The following LRP1B variants were observed in gnomAD, a reference collection of about 807,000 sequenced individuals.
LRP1B encodes the protein low-density lipoprotein receptor-related protein 1B.
LRP1B carries 217 observed loss-of-function variants against 556.6 expected under a neutral mutation model. The observed-to-expected ratio is 0.39, with a 90% CI of 0.35 to 0.44. The LOEUF is 0.44. LRP1B is among the 20% of genes least tolerant of loss of function. The pLI is 1.00. For synonymous variants in LRP1B, 2,047 were observed against 1,865.8 expected (o/e 1.10, Z -2.50); for missense variants, 5,053 against 5,620.8 (o/e 0.90, Z 3.23).
At chr2:141,615,785 T>G (rs1282827844) in intron 2 of LRP1B, among the ~76,000 whole-genome samples, 4 of 152,194 alleles carry the variant, frequency 2.6e-5, no homozygotes, top group African/African-American at 4.8e-5. Context: ...AGGCCACATA[T>G]GAAATTGGTT....
intron 1 of LRP1B, among the ~76,000 whole-genome samples, chr2:141,824,902 A>G (rs1016024778): frequency 2.0e-5 from 3 of 152,130 alleles, no homozygotes; most frequent in Non-Finnish European, 2.9e-5. Context: ...TGGTTGTATC[A>G]TGGGAATGGT....
At chr2:142,089,079 C>A (rs1706063753) in intron 1 of LRP1B, among the ~76,000 whole-genome samples, 1 of 151,670 alleles carries the variant, frequency 6.6e-6, no homozygotes, top group African/African-American at 2.4e-5. Context: ...GTTCCAGACA[C>A]CCTTCTAGGC....
chr2:140,419,878 C>T (rs1272773248), intron 66 of LRP1B, among the ~76,000 whole-genome samples: 1 of 151,950 alleles, frequency 6.6e-6, no homozygotes, highest in Non-Finnish European at 1.5e-5. Flanking sequence ...CATGGTGGCA[C>T]ATGACTGTAA....
chr2:141,318,292 C>G (rs1174173992), intron 3 of LRP1B, among the ~76,000 whole-genome samples: 3 of 151,882 alleles, frequency 2.0e-5, no homozygotes, highest in African/African-American at 4.8e-5. Flanking sequence ...CAAACATACA[C>G]AAGAAACAAG....
chr2:141,159,365 G>A (rs1459403422), intron 7 of LRP1B, among the ~76,000 whole-genome samples: 2 of 152,070 alleles, frequency 1.3e-5, no homozygotes, highest in African/African-American at 4.8e-5. Flanking sequence ...ATTTAAATCA[G>A]GAAAGTCATT....
intron 84 of LRP1B, among the ~76,000 whole-genome samples, chr2:140,284,497 G>T (rs1351041853): frequency 6.6e-6 from 1 of 151,522 alleles, no homozygotes; most frequent in African/African-American, 2.4e-5. Context: ...CTGGAGGGCA[G>T]GCAACATCTC....
chr2:141,335,699 G>A (rs1687823726), intron 3 of LRP1B, among the ~76,000 whole-genome samples: 1 of 152,102 alleles, frequency 6.6e-6, no homozygotes, highest in African/African-American at 2.4e-5. Context: ...GCACAGACGA[G>A]AGGTATTACA....
chr2:140,311,824 C>A (rs1227216453), intron 83 of LRP1B, among the ~76,000 whole-genome samples: 1 of 151,826 alleles, frequency 6.6e-6, no homozygotes, highest in Non-Finnish European at 1.5e-5. Context: ...CAAAGATGGG[C>A]AGTTTAAATG....
chr2:140,710,998 C>A (rs988816570), intron 37 of LRP1B, among the ~76,000 whole-genome samples: 3 of 151,892 alleles, frequency 2.0e-5, no homozygotes, highest in African/African-American at 7.3e-5. Flanking sequence ...GGAAAGGCTT[C>A]ATTGAAAGGA....
chr2:140,639,332 T>C (rs1428218914), intron 41 of LRP1B, among the ~76,000 whole-genome samples: 1 of 152,230 alleles, frequency 6.6e-6, no homozygotes, highest in Non-Finnish European at 1.5e-5. Context: ...TTGTTGAACA[T>C]TCTTGAGACA....
chr2:141,321,739 C>T (rs1274606810), intron 3 of LRP1B, among the ~76,000 whole-genome samples: 2 of 152,036 alleles, frequency 1.3e-5, no homozygotes, highest in African/African-American at 4.8e-5. Context: ...AACTTGTTTT[C>T]CACTGGTCTT....
intron 7 of LRP1B, among the ~76,000 whole-genome samples, chr2:141,180,886 A>G (rs1261508185): frequency 6.6e-6 from 1 of 151,972 alleles, no homozygotes; most frequent in Non-Finnish European, 1.5e-5. Context: ...CTAAGTGAAA[A>G]GAGACCCTTC....
intron 21 of LRP1B, among the ~76,000 whole-genome samples, chr2:140,917,324 T>A (rs1445980973): frequency 6.6e-6 from 1 of 152,158 alleles, no homozygotes; most frequent in East Asian, 1.9e-4. Context: ...CTGACCCTAC[T>A]ATCCTGTAAA....
rs1408540708 is a variant in LRP1B, at chr2:141,757,970, C to A, written c.205+52309G>T. On this transcript the variant is annotated intron_variant, in intron 2 of 90. Transcript: ENST00000389484. The stretch of plus-strand genomic sequence containing the variant: ...TGCAAAAAACTTAATAGGAAAAATT[C>A]AAGAAGATAAATTTTGAGGTGGACT... Among the ~76,000 whole-genome samples, 4 of 152,260 alleles carry A rather than the reference C, an allele frequency of 2.6e-5. No individual in the cohort carries two copies. In the East Asian group the frequency reaches 7.7e-4, roughly 29 times the overall value.
intron 2 of LRP1B, among the ~76,000 whole-genome samples, chr2:141,485,414 G>C (rs1056984896): frequency 6.6e-6 from 1 of 152,164 alleles, no homozygotes; most frequent in African/African-American, 2.4e-5. Context: ...TAGCCTCACA[G>C]TTGAGGGAAT....
intron 3 of LRP1B, among the ~76,000 whole-genome samples, chr2:141,316,977 G>A (rs952749941): frequency 3.3e-5 from 5 of 152,306 alleles, no homozygotes; most frequent in African/African-American, 1.2e-4. Context: ...GAAAGGTGAT[G>A]CCACAAAAGG....
In LRP1B at chr2:141,648,627, T is replaced by C. The variant is rs544129454; in HGVS notation, c.205+161652A>G. Among the ~76,000 whole-genome samples the C allele has an allele frequency of 1.4e-4, 21 of 152,358 alleles. No homozygotes were observed. In the East Asian group the frequency reaches 3.9e-3, roughly 28 times the overall value. On this transcript the variant is annotated intron_variant, in intron 2 of 90. Coordinates refer to ENST00000389484, the MANE Select transcript of LRP1B (RefSeq NM_018557.3). ...TATCTAGCTATTTTTGTATTACCAATGCCTAGTATAATCCATAGCACATAG... is the reference window on the plus strand; with the variant it reads ...TATCTAGCTATTTTTGTATTACCAACGCCTAGTATAATCCATAGCACATAG...
intron 11 of LRP1B, among the ~76,000 whole-genome samples, chr2:141,026,413 A>G (rs1051242049): frequency 2.0e-5 from 3 of 152,112 alleles, no homozygotes; most frequent in Non-Finnish European, 2.9e-5. Context: ...TATCATATAC[A>G]TGCTTAGAAA....
intron 11 of LRP1B, among the ~76,000 whole-genome samples, chr2:141,040,305 T>C (rs545851023): frequency 1.3e-5 from 2 of 152,228 alleles, no homozygotes; most frequent in East Asian, 3.9e-4. Flanking sequence ...TATAAGACAT[T>C]ATCACACTTT....
Sources: allele counts gnomAD v4.1 joint callset (sites outside exome capture counted in the v4.1 genomes callset), GRCh38; gene constraint gnomAD v4.1.1; transcripts MANE v1.5; gene names NCBI Gene and HGNC (gene_info 2026-07-23, HGNC 2026-07-21).